MUC4: variants seen among roughly 807,000 people sequenced by gnomAD.
MUC4 encodes the protein mucin 4, cell surface associated.
MUC4 carries 202 observed loss-of-function variants against 257.9 expected under a neutral mutation model. That is an observed-to-expected ratio of 0.78 (90% confidence interval 0.70 to 0.88). MUC4 has a LOEUF of 0.88. Ranked by LOEUF, MUC4 falls within the 40% of genes least tolerant of loss-of-function variation. MUC4 has a pLI of 0.00. For missense variants in MUC4, 5,976 were observed against 6,513.7 expected, an observed-to-expected ratio of 0.92 and a Z score of 2.84; for synonymous variants, 2,351 against 2,757.1, an observed-to-expected ratio of 0.85 and a Z score of 4.62.
At position 195,753,079 on chromosome 3, in the gene MUC4, C is replaced by G. The variant is rs535021574; in HGVS notation, c.15480G>C (p.Gly5160=). ...GGTTGACAGTTGGACTGAAGTTGTT[C>G]CCAGCCAGGAAGCAGCGGCTGTCAG... is the stretch of plus-strand genomic sequence containing the variant. The part of the protein sequence containing the change: ...AFTDSRCFLA[G]NNFSPTVNLE... Residue 5160 remains glycine, a synonymous_variant, in exon 20 of 25, where the codon GGG becomes GGC. Transcript: ENST00000463781. 1 of 1,609,970 alleles carries G rather than the reference C, an allele frequency of 6.2e-7. No homozygotes were observed. Among genetic ancestry groups the G allele is most frequent in the South Asian group, 1.1e-5 (1 of 90,946 alleles).
rs1197059406 is a variant in MUC4, at chr3:195,770,384, G to A, written c.13243-13C>T. 2 of 1,613,084 alleles carry A rather than the reference G, an allele frequency of 1.2e-6. No individual in the cohort carries two copies. The highest frequency in any genetic ancestry group is 1.7e-6 in the Non-Finnish European group (2 of 1,179,744). ...ACGTCTCGTATTCCTAGGAAAGGAG[G>A]GCAGATGAAAACAAGCCAACGAGGG... On this transcript the variant is annotated splice_polypyrimidine_tract_variant and intron_variant, in intron 5 of 24. Transcript: ENST00000463781.
Position 195,783,117 on chromosome 3 carries a change from G to C in MUC4, c.8463C>G (p.Asp2821Glu), listed in dbSNP as rs1331222948. The change falls in exon 2 of 25, where the codon GAC (aspartate) becomes GAG (glutamate). Residue 2821 changes from aspartate to glutamate, a missense_variant. This residue lies in a region of MUC4 where 228 missense variants were observed against 206.3 expected (regional missense o/e 1.11). Transcript: ENST00000463781. Reference sequence around the variant, plus strand: ...CATGACCTGTGAACACTGAGGAAGCGTCGGTGACAGGAAGAGAGGTGGCGT... The same window carrying C: ...CATGACCTGTGAACACTGAGGAAGCCTCGGTGACAGGAAGAGAGGTGGCGT... ...TGHATSLPVT[D>E]ASSVFTGHAT... 1 of 1,239,788 alleles carries C rather than the reference G, an allele frequency of 8.1e-7. No individual in the cohort carries two copies. Among genetic ancestry groups the C allele is most frequent in the South Asian group, 1.6e-5 (1 of 64,414 alleles). 76.8% of individuals were successfully genotyped at this position (1,239,788 alleles called of 1,614,324 possible). A position where few individuals can be genotyped will look rare whatever the true frequency, so the allele number is the denominator to read the frequency against.
chr3:195,769,514 C>T (rs563943835), intron 6 of MUC4: 9 of 240,202 alleles, frequency 3.7e-5, no homozygotes, highest in East Asian at 2.5e-4. Context: ...TTAGCTCCCG[C>T]GCGGATATTT....
chr3:195,764,464 C>T (rs761445275), intron 10 of MUC4, among the ~76,000 whole-genome samples: 5 of 152,098 alleles, frequency 3.3e-5, no homozygotes, highest in Non-Finnish European at 5.9e-5. Flanking sequence ...TGCAGCAGGG[C>T]GCATGGTAGG....
At position 195,752,596 on chromosome 3, in the gene MUC4, CACA is replaced by C; in HGVS notation, c.15509-153_15509-151del. ...GAGAAGTGGCCCTCACCCTACATTC[CACA>C]GTGACAGAAGGTCGCTGAAGAAACC... On this transcript the variant is annotated intron_variant, in intron 20 of 24. Transcript: ENST00000463781. 2 of 617,448 alleles carry C rather than the reference CACA, an allele frequency of 3.2e-6. 1 individual carries two copies. The highest frequency in any genetic ancestry group is 5.9e-6 in the Non-Finnish European group (2 of 336,494). 38.2% of individuals were successfully genotyped at this position (617,448 alleles called of 1,614,324 possible). A position where few individuals can be genotyped will look rare whatever the true frequency, so the allele number is the denominator to read the frequency against.
intron 1 of MUC4, among the ~76,000 whole-genome samples, chr3:195,792,475 G>A (rs1187141224): frequency 6.6e-6 from 1 of 152,182 alleles, no homozygotes; most frequent in Non-Finnish European, 1.5e-5. Context: ...AAAAAGTCAA[G>A]AAACAGCAGA....
At chr3:195,771,904 C>A in intron 4 of MUC4, 88 bp from the exon 5 acceptor site, 2 of 1,444,364 alleles carry the variant, frequency 1.4e-6, no homozygotes, top group South Asian at 2.5e-5. Context: ...AAAGCGTGAC[C>A]CCCAAGGGTA....
chr3:195,767,713 G>GCCACCACCACCATCACCACCATT (rs1560263883), intron 7 of MUC4, among the ~76,000 whole-genome samples: 1 of 1,484 alleles, frequency 6.7e-4, no homozygotes, highest in African/African-American at 2.2e-3. Context: ...TACCACCATC[G>GCCACCACCACCATCACCACCATT]GCCACCACCA....
At chr3:195,800,278 A>T (rs1029736337) in intron 1 of MUC4, among the ~76,000 whole-genome samples, 2 of 132,514 alleles carry the variant, frequency 1.5e-5, no homozygotes, top group African/African-American at 6.9e-5. Context: ...ACTCCATCTC[A>T]AAAAAAAAAA....
Position 195,767,573 on chromosome 3 carries a change from T to TCAC in MUC4, c.13530-825_13530-823dup, listed in dbSNP as rs1220315937. On this transcript the variant is annotated intron_variant, in intron 7 of 24. Coordinates refer to ENST00000463781, the MANE Select transcript of MUC4 (RefSeq NM_018406.7). ...ATCACCATTACCATTGCCACCACCA[T>TCAC]CACCACCACCATCACCACCACCACC... 8.2e-4 allele frequency among the ~76,000 whole-genome samples: 51 copies of TCAC among 61,962 alleles called. 1 individual carries two copies. The highest frequency in any genetic ancestry group is 4.7e-3 in the South Asian group (10 of 2,140). The allele number at this position is 61,962 out of a possible 152,430, so 40.6% of individuals were successfully genotyped here.
chr3:195,781,314 G>T lies in MUC4; in HGVS notation c.10266C>A (p.Ala3422=). The change falls in exon 2 of 25, where the codon GCC becomes GCA. Residue 3422 remains alanine (A), a synonymous_variant. Coordinates refer to ENST00000463781, the MANE Select transcript of MUC4 (RefSeq NM_018406.7). ...AAGTGCTGGTGACAGGAAGAGGGGT[G>T]GCGTGACCTGTGGATGCTGAGGAAG... ...TSPSSASTGH[A]TPLPVTSTSS... 7.0e-7 allele frequency: 1 copy of T among 1,430,276 alleles called. No homozygotes were observed. The highest frequency in any genetic ancestry group is 9.4e-7 in the Non-Finnish European group (1 of 1,060,616). 88.6% of individuals were successfully genotyped at this position (1,430,276 alleles called of 1,614,324 possible).
rs1251960240 is a variant in MUC4, at chr3:195,770,357, G to C, written c.13257C>G (p.Phe4419Leu). The C allele has an allele frequency of 1.2e-6, 2 of 1,613,796 alleles. No individual in the cohort carries two copies. The highest frequency in any genetic ancestry group is 1.7e-6 in the Non-Finnish European group (2 of 1,179,932). Reference protein sequence around the residue: ...GTTFYQEYETFYGEHSLLVQQ... With the variant: ...GTTFYQEYETLYGEHSLLVQQ... ...GGACTAGCAGGCTGTGTTCACCATA[G>C]AACGTCTCGTATTCCTAGGAAAGGA... Residue 4419 changes from phenylalanine (F) to leucine (L), a missense_variant, in exon 6 of 25, where the codon TTC becomes TTG. Coordinates refer to ENST00000463781, the MANE Select transcript of MUC4 (RefSeq NM_018406.7).
intron 13 of MUC4, 22 bp from the exon 14 acceptor site, chr3:195,762,276 G>A (rs1315561765): frequency 1.1e-5 from 17 of 1,556,824 alleles, no homozygotes; most frequent in Non-Finnish European, 1.5e-5. Context: ...GGAGGCAGCG[G>A]AGAGGAAGCC....
At chr3:195,762,597 C>A (rs372749022) in intron 13 of MUC4, among the ~76,000 whole-genome samples, 10 of 51,398 alleles carry the variant, frequency 1.9e-4, no homozygotes, top group African/African-American at 3.1e-4. Context: ...GCCACGCACC[C>A]GGCCCTGCAC....
chr3:195,749,140 C>A, intron 23 of MUC4, 76 bp from the exon 24 acceptor site: 2 of 1,544,470 alleles, frequency 1.3e-6, no homozygotes, highest in Non-Finnish European at 1.8e-6. Context: ...CCACGAATTC[C>A]TTTTCGGGTG....
chr3:195,798,317 G>A lies in MUC4; in HGVS notation c.83-6820C>T, dbSNP rs1259737839. On this transcript the variant is annotated intron_variant, in intron 1 of 24. Coordinates refer to ENST00000463781, the MANE Select transcript of MUC4 (RefSeq NM_018406.7). Reference sequence around the variant, plus strand: ...CAAAGAAAACACACATACTGGTTACGTGCATTTGGGAACATTTATAGTTGA... The same window carrying A: ...CAAAGAAAACACACATACTGGTTACATGCATTTGGGAACATTTATAGTTGA... Among the ~76,000 whole-genome samples the A allele has an allele frequency of 3.3e-5, 5 of 152,220 alleles. No homozygotes were observed. In the South Asian group the frequency reaches 8.3e-4, roughly 25 times the overall value.
At chr3:195,792,398 C>A (rs1261745663) in intron 1 of MUC4, among the ~76,000 whole-genome samples, 3 of 152,212 alleles carry the variant, frequency 2.0e-5, no homozygotes, top group Non-Finnish European at 2.9e-5. Context: ...CATCATGGAT[C>A]ATTAGAGAAA....
chr3:195,789,660 A>G lies in MUC4; in HGVS notation c.1920T>C (p.Thr640=), dbSNP rs1416096562. The change falls in exon 2 of 25, where the codon ACT becomes ACC. Residue 640 remains threonine, a synonymous_variant. Transcript: ENST00000463781. ...ATTCTTGTGTGGTCTGCGGGGCTTG[A>G]GTGTGACCCCTTTGGGAAACAGCTG... ...ESPAVSQRGH[T]QAPQTTQESQ... is the part of the protein sequence containing the mutation. 1 of 1,613,588 alleles carries G rather than the reference A, an allele frequency of 6.2e-7. No homozygotes were observed. Among genetic ancestry groups the G allele is most frequent in the African/African-American group, 1.3e-5 (1 of 74,770 alleles).
At chr3:195,750,504 C>A (rs1716184298) in intron 23 of MUC4, 3 of 310,160 alleles carry the variant, frequency 9.7e-6, no homozygotes, top group African/African-American at 4.7e-5. Context: ...CTGTCCCTGG[C>A]CAGTCTCCAG....
Sources: gnomAD v4.1 joint callset for allele counts (sites outside exome capture counted in the v4.1 genomes callset) on GRCh38, gnomAD v4.1.1 for gene constraint, gnomAD v4.1.1 regional missense constraint, MANE v1.5 for transcripts, NCBI Gene and HGNC (gene_info 2026-07-23, HGNC 2026-07-21) for gene names.